Variants in NLGN4X observed in about 807,000 individuals in gnomAD.
The protein encoded by NLGN4X is neuroligin 4 X-linked.
NLGN4X carries 3 observed loss-of-function variants against 40.3 expected under a neutral mutation model. The ratio of observed to expected loss-of-function variants is 0.07; its 90% CI spans 0.03 to 0.19. The LOEUF (loss-of-function observed/expected upper bound fraction) is 0.19, where lower values mean the gene tolerates loss of function less well. Among genes scored for constraint, NLGN4X ranks in the 10% least tolerant of loss-of-function variants. NLGN4X has a pLI of 1.00. For missense variants in NLGN4X, 382 were observed against 708.3 expected (o/e 0.54, Z 5.23); for synonymous variants, 270 against 306.8 (o/e 0.88, Z 1.25).
At chrX:5,921,391 C>CAGAA in intron 3 of NLGN4X, among the ~76,000 whole-genome samples, 1 of 53,086 alleles carries the variant, frequency 1.9e-5, no homozygotes, top group Non-Finnish European at 3.6e-5. Context: ...GAAAATGAAC[C>CAGAA]AGAGAGAGAG....
intron 3 of NLGN4X, among the ~76,000 whole-genome samples, chrX:5,957,202 C>G (rs1487587094): frequency 9.0e-6 from 1 of 111,717 alleles, no homozygotes. Context: ...CCAGAATAAC[C>G]TGCATTACGT....
At chrX:6,067,976 C>T (rs1273817293) in intron 2 of NLGN4X, among the ~76,000 whole-genome samples, 2 of 111,360 alleles carry the variant, frequency 1.8e-5, no homozygotes. Context: ...GGCATTATAG[C>T]ATTCTGCCTT....
intron 2 of NLGN4X, among the ~76,000 whole-genome samples, chrX:6,040,384 C>A (rs888895654): frequency 1.8e-5 from 2 of 111,104 alleles, no homozygotes; most frequent in Non-Finnish European, 3.8e-5. Flanking sequence ...TTGTCTTTAA[C>A]CATTTTATTG....
chrX:6,081,009 C>A (rs1569226186), intron 2 of NLGN4X, among the ~76,000 whole-genome samples: 1 of 109,919 alleles, frequency 9.1e-6, no homozygotes, highest in African/African-American at 3.3e-5. Flanking sequence ...ATTATAGAGG[C>A]TGAGCGCAGT....
chrX:5,902,565 T>C (rs1438594113), intron 5 of NLGN4X, among the ~76,000 whole-genome samples: 1 of 110,891 alleles, frequency 9.0e-6, no homozygotes, highest in African/African-American at 3.3e-5. Context: ...GGCAGGCACC[T>C]GTAGTCCCAG....
At chrX:6,039,096 A>G (rs759044278) in intron 2 of NLGN4X, among the ~76,000 whole-genome samples, 11 of 111,120 alleles carry the variant, frequency 9.9e-5, no homozygotes, top group African/African-American at 3.6e-4. Flanking sequence ...TTCCTCATAC[A>G]TAGAGAGTCT....
intron 2 of NLGN4X, among the ~76,000 whole-genome samples, chrX:6,113,105 G>C (rs1031840723): frequency 1.8e-5 from 2 of 110,840 alleles, no homozygotes; most frequent in Non-Finnish European, 3.8e-5. Flanking sequence ...CAGTCAAGAG[G>C]AGCTCAAGGA....
chrX:6,139,276 A>C (rs2039889415), intron 2 of NLGN4X, among the ~76,000 whole-genome samples: 1 of 112,155 alleles, frequency 8.9e-6, no homozygotes, highest in Non-Finnish European at 1.9e-5. Flanking sequence ...TCTTTGATTT[A>C]ACTTTATTCT....
chrX:6,049,238 AGG>A (rs1569207620), intron 2 of NLGN4X, among the ~76,000 whole-genome samples: 1 of 2,957 alleles, frequency 3.4e-4, no homozygotes, highest in African/African-American at 6.8e-4. Context: ...AGGGGAGGGG[AGG>A]GGAGGGGAGG....
intron 1 of NLGN4X, among the ~76,000 whole-genome samples, chrX:6,191,090 TG>T (rs1328592024): frequency 4.6e-5 from 5 of 108,402 alleles, no homozygotes; most frequent in Admixed American, 9.7e-5. Context: ...TGTTTCAAAT[TG>T]TTTTTTTTTT....
At position 5,903,688 on chromosome X, in the gene NLGN4X, G is replaced by A. The variant is rs2032020245; in HGVS notation, c.990C>T (p.Thr330=). 6.6e-6 allele frequency: 8 copies of A among 1,211,994 alleles called. No individual in the cohort carries two copies. In the East Asian group the frequency reaches 2.4e-4, roughly 36 times the overall value. Residue 330 remains threonine, a synonymous_variant, in exon 5 of 6, where the codon ACC becomes ACT. Coordinates refer to ENST00000381095, the MANE Select transcript of NLGN4X (RefSeq NM_181332.3). ...NKNYKELIQQ[T]ITPATYHIAF... ...CTATGTGGTAGGTGGCCGGGGTGATGGTCTGCTGGATGAGCTCCTTGTAGT... is the reference window on the plus strand; with the variant it reads ...CTATGTGGTAGGTGGCCGGGGTGATAGTCTGCTGGATGAGCTCCTTGTAGT...
intron 2 of NLGN4X, among the ~76,000 whole-genome samples, chrX:6,068,821 G>A (rs780643343): frequency 3.6e-5 from 4 of 111,156 alleles, no homozygotes; most frequent in Non-Finnish European, 7.5e-5. Flanking sequence ...AAGCAACGAC[G>A]TATTTGAACA....
intron 1 of NLGN4X, among the ~76,000 whole-genome samples, chrX:6,156,080 A>C (rs189150106): frequency 8.9e-6 from 1 of 112,602 alleles, no homozygotes; most frequent in Admixed American, 9.4e-5. Context: ...TGTTCTACCA[A>C]AAAGACACAT....
At position 6,014,113 on chromosome X, in the gene NLGN4X, G is replaced by A. The variant is rs773047745; in HGVS notation, c.625+15167C>T. On this transcript the variant is annotated intron_variant, in intron 3 of 5. Transcript: ENST00000381095. ...AAGGGAATCACTTGAACCCGGGAGG[G>A]GGAGGTTGCAGTGAGCTGAGATCGC... is the stretch of plus-strand genomic sequence containing the variant. Among the ~76,000 whole-genome samples, 4 of 108,765 alleles carry A rather than the reference G, an allele frequency of 3.7e-5. No individual in the cohort carries two copies. In the East Asian group the frequency reaches 8.7e-4, roughly 24 times the overall value. The allele number at this position is 108,765 out of a possible 115,157, so 94.4% of individuals were successfully genotyped here. A position where few individuals can be genotyped will look rare whatever the true frequency, so the allele number is the denominator to read the frequency against.
At chrX:6,205,325 G>A (rs1247606675) in intron 1 of NLGN4X, among the ~76,000 whole-genome samples, 5 of 112,285 alleles carry the variant, frequency 4.5e-5, no homozygotes, top group African/African-American at 1.6e-4. Flanking sequence ...GGGAGCTGGT[G>A]TCTCTTCTTC....
intron 3 of NLGN4X, among the ~76,000 whole-genome samples, chrX:5,931,231 A>G (rs1350365276): frequency 8.9e-6 from 1 of 111,860 alleles, no homozygotes; most frequent in Non-Finnish European, 1.9e-5. Context: ...TATACCCTTC[A>G]TTGTCCAAAT....
At chrX:5,898,241 TTTCCTCCC>T (rs1339460832) in intron 5 of NLGN4X, among the ~76,000 whole-genome samples, 52 of 82,528 alleles carry the variant, frequency 6.3e-4, no homozygotes, top group African/African-American at 2.2e-3. Flanking sequence ...TACCTCTTTC[TTTCCTCCC>T]TTCCTCCCTT....
At chrX:6,105,535 G>A (rs768889441) in intron 2 of NLGN4X, among the ~76,000 whole-genome samples, 7 of 111,471 alleles carry the variant, frequency 6.3e-5, no homozygotes, top group South Asian at 3.7e-4. Context: ...AGAGACTATC[G>A]TCTAGCACGT....
chrX:5,915,036 C>T (rs1265948300), intron 3 of NLGN4X, among the ~76,000 whole-genome samples: 1 of 112,636 alleles, frequency 8.9e-6, no homozygotes, highest in Non-Finnish European at 1.9e-5. Context: ...ATTCTGTTGC[C>T]TGATAGGCAG....
Sources: gnomAD v4.1 joint callset for allele counts (sites outside exome capture counted in the v4.1 genomes callset) on GRCh38, gnomAD v4.1.1 for gene constraint, MANE v1.5 for transcripts, NCBI Gene and HGNC (gene_info 2026-07-23, HGNC 2026-07-21) for gene names.